The following FCHSD2 variants were observed in gnomAD, a reference collection of about 807,000 sequenced individuals.
FCHSD2 encodes F-BAR and double SH3 domains protein 2.
A neutral mutation model predicts 108.1 loss-of-function variants in FCHSD2; 38 were observed. The observed-to-expected ratio is 0.35, with a 90% CI of 0.27 to 0.46. FCHSD2 has a LOEUF of 0.46. FCHSD2 is among the 20% of genes least tolerant of loss of function. FCHSD2 has a pLI of 1.00. For synonymous variants in FCHSD2, 279 were observed against 314.7 expected, an observed-to-expected ratio of 0.89 and a Z score of 1.20; for missense variants, 751 against 897.8, an observed-to-expected ratio of 0.84 and a Z score of 2.09.
chr11:73,058,430 C>A (rs997452918), intron 3 of FCHSD2, among the ~76,000 whole-genome samples: 1 of 152,142 alleles, frequency 6.6e-6, no homozygotes, highest in Non-Finnish European at 1.5e-5. Flanking sequence ...ATCTAAACAA[C>A]AAACTGACTA....
chr11:73,039,200 C>T (rs1366208578), intron 3 of FCHSD2, among the ~76,000 whole-genome samples: 1 of 151,880 alleles, frequency 6.6e-6, no homozygotes, highest in Non-Finnish European at 1.5e-5. Flanking sequence ...CTTTAGGATT[C>T]CTCATAAACC....
At chr11:73,134,585 G>A (rs1591583049) in intron 2 of FCHSD2, among the ~76,000 whole-genome samples, 1 of 152,298 alleles carries the variant, frequency 6.6e-6, no homozygotes, top group Non-Finnish European at 1.5e-5. Flanking sequence ...CCTCACTTGA[G>A]GTCTCTAGAC....
At chr11:73,085,175 A>C (rs376751741) in intron 2 of FCHSD2, among the ~76,000 whole-genome samples, 1 of 152,206 alleles carries the variant, frequency 6.6e-6, no homozygotes, top group African/African-American at 2.4e-5. Flanking sequence ...ACTCATGCTT[A>C]TTCAAGAGTG....
At chr11:72,886,165 G>A (rs1855194606) in intron 12 of FCHSD2, among the ~76,000 whole-genome samples, 1 of 152,166 alleles carries the variant, frequency 6.6e-6, no homozygotes, top group South Asian at 2.1e-4. Context: ...GTCCCTGAAA[G>A]ATGCTTGCCC....
intron 3 of FCHSD2, among the ~76,000 whole-genome samples, chr11:73,031,402 G>T (rs1162672988): frequency 2.0e-5 from 3 of 151,936 alleles, no homozygotes; most frequent in African/African-American, 7.3e-5. Context: ...CTTGAGGGCG[G>T]GAGGTGGAGG....
At chr11:72,954,155 T>G (rs76581108) in intron 8 of FCHSD2, among the ~76,000 whole-genome samples, 1 of 150,514 alleles carries the variant, frequency 6.6e-6, no homozygotes, top group African/African-American at 2.5e-5. Flanking sequence ...AAGATAATAA[T>G]GGTGGCTTAG....
At chr11:72,863,362 T>C (rs1854646805) in intron 13 of FCHSD2, among the ~76,000 whole-genome samples, 1 of 152,174 alleles carries the variant, frequency 6.6e-6, no homozygotes. Context: ...CATGCTGAAT[T>C]ACAGATTTAA....
chr11:72,946,985 C>T (rs1482030182), intron 8 of FCHSD2, among the ~76,000 whole-genome samples: 1 of 152,158 alleles, frequency 6.6e-6, no homozygotes, highest in Admixed American at 6.6e-5. Context: ...AATAGCTCAC[C>T]CAGCTACCCA....
At chr11:72,990,542 A>G (rs1857391357) in intron 5 of FCHSD2, among the ~76,000 whole-genome samples, 1 of 152,210 alleles carries the variant, frequency 6.6e-6, no homozygotes, top group Non-Finnish European at 1.5e-5. Flanking sequence ...AGAACTCAGG[A>G]TTAAGAAACT....
intron 8 of FCHSD2, among the ~76,000 whole-genome samples, chr11:72,961,547 T>C (rs1856819888): frequency 6.6e-6 from 1 of 152,138 alleles, no homozygotes; most frequent in African/African-American, 2.4e-5. Flanking sequence ...TGAGCCACCA[T>C]ACCTGGCCTA....
At chr11:73,072,337 T>G (rs1260481150) in intron 3 of FCHSD2, among the ~76,000 whole-genome samples, 1 of 151,884 alleles carries the variant, frequency 6.6e-6, no homozygotes, top group African/African-American at 2.4e-5. Context: ...TACTAGCAAA[T>G]CTATGTCCCC....
chr11:73,142,145 CG>C lies in FCHSD2; in HGVS notation c.-269del. ...GCCCGGGGGTGTGTGAGGAAGGAGG[CG>C]GAGACGGCGAGGGGGCGGGGGCCCC... On this transcript the variant is annotated 5_prime_UTR_variant, in exon 1 of 20. Coordinates refer to ENST00000409418, the MANE Select transcript of FCHSD2 (RefSeq NM_014824.3). The C allele has an allele frequency of 3.4e-6, 1 of 290,470 alleles. No homozygotes were observed. The highest frequency in any genetic ancestry group is 6.4e-6 in the Non-Finnish European group (1 of 156,438). 18.0% of individuals were successfully genotyped at this position (290,470 alleles called of 1,614,324 possible).
chr11:73,039,576 G>A lies in FCHSD2; in HGVS notation c.166-23691C>T, dbSNP rs548838430. On this transcript the variant is annotated intron_variant, in intron 3 of 19. Coordinates refer to ENST00000409418, the MANE Select transcript of FCHSD2 (RefSeq NM_014824.3). ...ATATGTCACATGTAAGTTTGTCACA[G>A]GTGAATTTTAAAAATGTGTAAGTAT... Among the ~76,000 whole-genome samples the A allele has an allele frequency of 3.3e-5, 5 of 151,866 alleles. No homozygotes were observed. The East Asian group carries it at 9.7e-4, about 29-fold the overall frequency.
rs577530253 is a variant in FCHSD2, at chr11:73,066,069, A to G, written c.165+17626T>C. 1.2e-4 allele frequency among the ~76,000 whole-genome samples: 18 copies of G among 152,352 alleles called. No individual in the cohort carries two copies. The East Asian group carries it at 3.5e-3, about 29-fold the overall frequency. ...CAAAACAATCCTGGGCAAGAAGAACAAAGCTGGAGGCATCACGCTACCTGA... is the reference window on the plus strand; with the variant it reads ...CAAAACAATCCTGGGCAAGAAGAACGAAGCTGGAGGCATCACGCTACCTGA... On this transcript the variant is annotated intron_variant, in intron 3 of 19. Coordinates refer to ENST00000409418, the MANE Select transcript of FCHSD2 (RefSeq NM_014824.3).
chr11:72,935,424 G>C (rs1235074760), intron 8 of FCHSD2, among the ~76,000 whole-genome samples: 1 of 152,100 alleles, frequency 6.6e-6, no homozygotes, highest in Non-Finnish European at 1.5e-5. Context: ...AGAGCAACGG[G>C]CATTTCTAAA....
chr11:73,022,488 G>C (rs1263871192), intron 3 of FCHSD2, among the ~76,000 whole-genome samples: 1 of 152,132 alleles, frequency 6.6e-6, no homozygotes. Flanking sequence ...ACTGGAATTT[G>C]AAATTTTATT....
At chr11:72,994,570 G>C (rs1337597787) in intron 5 of FCHSD2, among the ~76,000 whole-genome samples, 1 of 152,000 alleles carries the variant, frequency 6.6e-6, no homozygotes, top group Non-Finnish European at 1.5e-5. Context: ...TTAAGATATA[G>C]TGTAAACTCA....
chr11:72,956,060 A>G (rs1856705088), intron 8 of FCHSD2, among the ~76,000 whole-genome samples: 1 of 152,228 alleles, frequency 6.6e-6, no homozygotes, highest in South Asian at 2.1e-4. Flanking sequence ...AGCCTGGAAC[A>G]TCCTGCACCA....
chr11:73,058,884 GATAA>G (rs1325302668), intron 3 of FCHSD2, among the ~76,000 whole-genome samples: 4 of 151,908 alleles, frequency 2.6e-5, no homozygotes, highest in East Asian at 3.9e-4. Context: ...TTTCTAACGG[GATAA>G]ATAATCTTTT....
Sources: gnomAD v4.1 joint callset for allele counts (sites outside exome capture counted in the v4.1 genomes callset) on GRCh38, gnomAD v4.1.1 for gene constraint, MANE v1.5 for transcripts, NCBI Gene and HGNC (gene_info 2026-07-23, HGNC 2026-07-21) for gene names.